The following TBC1D23 variants were observed in gnomAD, a reference collection of about 807,000 sequenced individuals.
TBC1D23 encodes the protein TBC1 domain family member 23.
A neutral mutation model predicts 91.4 loss-of-function variants in TBC1D23; 55 were observed. That is an observed-to-expected ratio of 0.60 (90% confidence interval 0.48 to 0.75). The LOEUF (loss-of-function observed/expected upper bound fraction) is 0.75. Ranked by LOEUF, TBC1D23 falls within the 30% of genes least tolerant of loss-of-function variation. The pLI, the probability that TBC1D23 is intolerant of heterozygous loss-of-function variation, is 0.00. For synonymous variants in TBC1D23, 289 were observed against 281.0 expected, an observed-to-expected ratio of 1.03 and a Z score of -0.28; for missense variants, 725 against 836.1, an observed-to-expected ratio of 0.87 and a Z score of 1.64.
At chr3:100,306,349 G>C in intron 12 of TBC1D23, 88 bp from the exon 13 acceptor site, 1 of 722,284 alleles carries the variant, frequency 1.4e-6, no homozygotes, top group Non-Finnish European at 2.4e-6. Context: ...TCTCAGCTGT[G>C]ACATGTTTAT....
intron 1 of TBC1D23, among the ~76,000 whole-genome samples, chr3:100,278,408 C>T (rs1365996867): frequency 4.2e-5 from 6 of 144,134 alleles, no homozygotes; most frequent in African/African-American, 1.3e-4. Context: ...TTTTTTGAGA[C>T]GGAGTCTTGC....
chr3:100,317,958 ATATATACATT>A (rs1291006346), intron 16 of TBC1D23, among the ~76,000 whole-genome samples: 1 of 152,040 alleles, frequency 6.6e-6, no homozygotes, highest in Non-Finnish European at 1.5e-5. Flanking sequence ...ATTTAAGTGT[ATATATACATT>A]TATATACATT....
intron 4 of TBC1D23, among the ~76,000 whole-genome samples, chr3:100,286,897 C>A (rs754566584): frequency 3.9e-5 from 6 of 152,128 alleles, no homozygotes; most frequent in Non-Finnish European, 8.8e-5. Flanking sequence ...CTCAGTGCAA[C>A]CTCCGCCTCC....
Position 100,310,524 on chromosome 3 carries a change from C to T in TBC1D23, c.1535C>T (p.Thr512Ile). 2.4e-5 allele frequency: 38 copies of T among 1,612,850 alleles called. No individual in the cohort carries two copies. The highest frequency in any genetic ancestry group is 3.1e-5 in the Non-Finnish European group (37 of 1,179,408). The change falls in exon 14 of 19, where the codon ACA becomes ATA. Residue 512 changes from threonine to isoleucine, a missense_variant. By Grantham distance (89) the Thr-to-Ile change is moderately conservative. Coordinates refer to ENST00000394144, the MANE Select transcript of TBC1D23 (RefSeq NM_001199198.3). ...AAAGTTATCAGTTTTATAGAGAATA[C>T]ATCAACTCCTGTGGATCGGTGAGTT... is the stretch of plus-strand genomic sequence containing the variant. ...REKVISFIEN[T>I]STPVDRMSFN... is the part of the protein sequence containing the mutation.
At chr3:100,299,167 CTG>C (rs1271278845) in intron 9 of TBC1D23, 70 bp from the exon 10 acceptor site, 4 of 956,160 alleles carry the variant, frequency 4.2e-6, no homozygotes, top group African/African-American at 1.6e-5. Context: ...ATTTGGTTAA[CTG>C]TGAATATTAT....
intron 1 of TBC1D23, among the ~76,000 whole-genome samples, chr3:100,262,016 C>A (rs766351715): frequency 6.6e-6 from 1 of 152,194 alleles, no homozygotes; most frequent in Non-Finnish European, 1.5e-5. Context: ...TGATAGACAT[C>A]GACTTTAATC....
At position 100,300,010 on chromosome 3, in the gene TBC1D23, A is replaced by G. The variant is rs565901954; in HGVS notation, c.1092+679A>G. ...ATTGAGTAAGAATTCTGTAGGCTTT[A>G]TAGTATGAGCCATTTTTAATCATGA... On this transcript the variant is annotated intron_variant, in intron 10 of 18. Coordinates refer to ENST00000394144, the MANE Select transcript of TBC1D23 (RefSeq NM_001199198.3). 2.0e-5 allele frequency among the ~76,000 whole-genome samples: 3 copies of G among 152,334 alleles called. No individual in the cohort carries two copies. In the South Asian group the frequency reaches 6.2e-4, roughly 32 times the overall value.
intron 1 of TBC1D23, among the ~76,000 whole-genome samples, chr3:100,271,242 T>C (rs972438909): frequency 6.6e-6 from 1 of 151,902 alleles, no homozygotes; most frequent in East Asian, 1.9e-4. Flanking sequence ...AGGGAAGAGA[T>C]AGATTTAAGA....
At chr3:100,314,994 G>A (rs1705708460) in intron 15 of TBC1D23, among the ~76,000 whole-genome samples, 1 of 151,914 alleles carries the variant, frequency 6.6e-6, no homozygotes, top group African/African-American at 2.4e-5. Context: ...GTATTTTATT[G>A]ACACATTTTA....
chr3:100,266,964 C>CATTCACTGAATAGTGGTTAT (rs1196396861), intron 1 of TBC1D23, among the ~76,000 whole-genome samples: 4 of 152,200 alleles, frequency 2.6e-5, no homozygotes, highest in Non-Finnish European at 4.4e-5. Flanking sequence ...GTTCAGCAAA[C>CATTCACTGAATAGTGGTTAT]ATTCACTGAA....
At chr3:100,295,232 ATT>A (rs781360401) in intron 6 of TBC1D23, 21 bp downstream of exon 6, 20 of 1,594,634 alleles carry the variant, frequency 1.3e-5, no homozygotes, top group Non-Finnish European at 1.6e-5. Flanking sequence ...GGTTGGTTAG[ATT>A]TTTTTTCCTC....
intron 5 of TBC1D23, among the ~76,000 whole-genome samples, chr3:100,293,130 CTTAT>C (rs1156576187): frequency 3.8e-5 from 3 of 79,042 alleles, no homozygotes; most frequent in Non-Finnish European, 7.0e-5. Flanking sequence ...TGTTTGTTTA[CTTAT>C]TTATTTATTT....
At chr3:100,264,111 G>T (rs530861747) in intron 1 of TBC1D23, among the ~76,000 whole-genome samples, 2 of 152,132 alleles carry the variant, frequency 1.3e-5, no homozygotes, top group African/African-American at 4.8e-5. Context: ...TTCAGTAAAG[G>T]CTCTGTTCTT....
At chr3:100,300,309 T>C (rs1256598417) in intron 10 of TBC1D23, among the ~76,000 whole-genome samples, 1 of 151,998 alleles carries the variant, frequency 6.6e-6, no homozygotes, top group Non-Finnish European at 1.5e-5. Context: ...TCTGAAAAAT[T>C]TGATGCTGAA....
At chr3:100,294,747 T>C (rs1487295546) in intron 5 of TBC1D23, among the ~76,000 whole-genome samples, 3 of 152,242 alleles carry the variant, frequency 2.0e-5, no homozygotes, top group South Asian at 2.1e-4. Context: ...ACCATAATTA[T>C]GCTAGTTATG....
In TBC1D23 at chr3:100,324,240, A is replaced by G. The variant is rs1705915441; in HGVS notation, c.*572A>G. 1 of 152,216 alleles carries G rather than the reference A, an allele frequency of 6.6e-6. No individual in the cohort carries two copies. The highest frequency in any genetic ancestry group is 2.1e-4 in the South Asian group (1 of 4,828). The allele number at this position is 152,216 out of a possible 1,614,324, so 9.4% of individuals were successfully genotyped here. Reference sequence around the variant, plus strand: ...CTCAAAATACAGTACAGCTAGTAAAATGTTGAAACATCAGTTTCTAAATCA... The same window carrying G: ...CTCAAAATACAGTACAGCTAGTAAAGTGTTGAAACATCAGTTTCTAAATCA... On this transcript the variant is annotated 3_prime_UTR_variant, in exon 19 of 19. Coordinates refer to ENST00000394144, the MANE Select transcript of TBC1D23 (RefSeq NM_001199198.3).
intron 1 of TBC1D23, chr3:100,261,350 G>A: frequency 2.0e-6 from 1 of 495,842 alleles, no homozygotes; most frequent in Non-Finnish European, 3.6e-6. Flanking sequence ...AAGTGTGCTG[G>A]AGTGGGTGGC....
At chr3:100,270,822 A>G (rs1226311622) in intron 1 of TBC1D23, among the ~76,000 whole-genome samples, 10 of 152,138 alleles carry the variant, frequency 6.6e-5, no homozygotes, top group Non-Finnish European at 7.4e-5. Flanking sequence ...GAAAACAATA[A>G]TAAATCTTAG....
At chr3:100,286,867 G>A (rs1045439907) in intron 4 of TBC1D23, among the ~76,000 whole-genome samples, 1 of 151,932 alleles carries the variant, frequency 6.6e-6, no homozygotes, top group Non-Finnish European at 1.5e-5. Context: ...CCAGGCTGGC[G>A]TGCAATGGCA....
Sources: allele counts gnomAD v4.1 joint callset (sites outside exome capture counted in the v4.1 genomes callset), GRCh38; gene constraint gnomAD v4.1.1; transcripts MANE v1.5; gene names NCBI Gene and HGNC (gene_info 2026-07-23, HGNC 2026-07-21).